Variants in SLC8A1 observed in about 807,000 individuals in gnomAD.
The protein encoded by SLC8A1 is sodium/calcium exchanger 1.
SLC8A1 carries 18 observed loss-of-function variants against 68.3 expected under a neutral mutation model. The observed-to-expected ratio is 0.26, with a 90% CI of 0.18 to 0.39. The LOEUF is 0.39. SLC8A1 is among the 10% of genes least tolerant of loss of function. The pLI is 1.00. For synonymous variants in SLC8A1, 475 were observed against 415.5 expected (o/e 1.14, Z -1.74); for missense variants, 985 against 1,156.7 (o/e 0.85, Z 2.15).
At chr2:40,493,612 C>T (rs1270680699) in intron 1 of SLC8A1, among the ~76,000 whole-genome samples, 2 of 150,686 alleles carry the variant, frequency 1.3e-5, no homozygotes, top group Non-Finnish European at 3.0e-5. Flanking sequence ...CTAAACCACA[C>T]TTCTCCCTCT....
intron 2 of SLC8A1, chr2:40,189,978 AG>A (rs1267208156): frequency 6.6e-6 from 1 of 152,200 alleles, no homozygotes; most frequent in Non-Finnish European, 1.5e-5. Context: ...CATTTTTAAA[AG>A]GAGAAATTCT....
rs949695111 is a variant in SLC8A1, at chr2:40,133,385, C to A, written c.2437+6016G>T. On this transcript the variant is annotated intron_variant, in intron 7 of 7. Coordinates refer to ENST00000406785, the Ensembl canonical transcript of SLC8A1. ...TATTTTATTAAAAAGGTTCTATATA[C>A]AAAATTGGGGGGGGGGGGGGTGGAA... Among the ~76,000 whole-genome samples the A allele has an allele frequency of 1.6e-4, 3 of 18,322 alleles. 1 individual carries two copies. The highest frequency in any genetic ancestry group is 1.2e-4 in the Non-Finnish European group (1 of 8,340). 12.0% of individuals were successfully genotyped at this position (18,322 alleles called of 152,430 possible). A position where few individuals can be genotyped will look rare whatever the true frequency, so the allele number is the denominator to read the frequency against.
At chr2:40,201,652 C>A (rs1163282341) in intron 2 of SLC8A1, among the ~76,000 whole-genome samples, 2 of 151,860 alleles carry the variant, frequency 1.3e-5, no homozygotes, top group African/African-American at 2.4e-5. Flanking sequence ...TGAAATGAGT[C>A]ATGTAAACCA....
chr2:40,401,824 G>A (rs113981695), intron 2 of SLC8A1, among the ~76,000 whole-genome samples: 2,813 of 152,194 alleles, frequency 0.018, 41 homozygotes, highest in Non-Finnish European at 0.031. Flanking sequence ...ATTAAAATGA[G>A]TAAAGGCTCT....
intron 1 of SLC8A1, among the ~76,000 whole-genome samples, chr2:40,466,451 C>A (rs143237561): frequency 6.6e-6 from 1 of 152,174 alleles, no homozygotes; most frequent in Non-Finnish European, 1.5e-5. Flanking sequence ...CTTTTACATC[C>A]AATAAGATGG....
At chr2:40,164,357 C>A (rs1220328231) in intron 5 of SLC8A1, among the ~76,000 whole-genome samples, 2 of 152,166 alleles carry the variant, frequency 1.3e-5, no homozygotes, top group Non-Finnish European at 2.9e-5. Flanking sequence ...ACTAAAATGT[C>A]CTTGGATCTG....
chr2:40,428,335 AG>A, intron 2 of SLC8A1, 137 bp downstream of exon 2: 1 of 1,365,524 alleles, frequency 7.3e-7, no homozygotes. Flanking sequence ...ATATCTTGAA[AG>A]GGATCTTGTA....
intron 2 of SLC8A1, among the ~76,000 whole-genome samples, chr2:40,231,726 T>A (rs1311735945): frequency 6.6e-6 from 1 of 152,164 alleles, no homozygotes; most frequent in Non-Finnish European, 1.5e-5. Flanking sequence ...CAGGTTAAGC[T>A]GCCATCTGGT....
At chr2:40,228,600 C>A (rs367596) in intron 2 of SLC8A1, among the ~76,000 whole-genome samples, 90,210 of 152,094 alleles carry the variant, frequency 0.59, 27,454 homozygotes, top group Middle Eastern at 0.78. Flanking sequence ...AATGAAAGAC[C>A]CCCAGGTCTT....
At chr2:40,305,136 G>GTCC (rs965702964) in intron 2 of SLC8A1, among the ~76,000 whole-genome samples, 1 of 152,180 alleles carries the variant, frequency 6.6e-6, no homozygotes, top group Non-Finnish European at 1.5e-5. Flanking sequence ...AAACAGCCTT[G>GTCC]TCCTATTCAT....
chr2:40,508,697 A>G (rs1576688683), intron 1 of SLC8A1, among the ~76,000 whole-genome samples: 1 of 152,212 alleles, frequency 6.6e-6, no homozygotes, highest in East Asian at 1.9e-4. Flanking sequence ...AGCAAAGAAT[A>G]TGCCGTCGAT....
At chr2:40,306,900 T>A (rs990288090) in intron 2 of SLC8A1, among the ~76,000 whole-genome samples, 1 of 152,152 alleles carries the variant, frequency 6.6e-6, no homozygotes, top group African/African-American at 2.4e-5. Flanking sequence ...AATCTCTGAT[T>A]TTTTTTGTTT....
intron 2 of SLC8A1, among the ~76,000 whole-genome samples, chr2:40,281,546 G>C (rs1208582854): frequency 6.6e-6 from 1 of 152,142 alleles, no homozygotes; most frequent in African/African-American, 2.4e-5. Context: ...ACTTGCACTC[G>C]TGAAAGTTAT....
At chr2:40,453,165 G>T (rs1378472101), upstream of SLC8A1, 3 of 152,178 alleles carry the variant, frequency 2.0e-5, no homozygotes, top group Non-Finnish European at 2.9e-5. Flanking sequence ...ACACACCTGG[G>T]AATGTAGTCA....
At chr2:40,122,384 T>A (rs186720341) in intron 7 of SLC8A1, among the ~76,000 whole-genome samples, 1 of 152,066 alleles carries the variant, frequency 6.6e-6, no homozygotes, top group East Asian at 1.9e-4. Context: ...ACACTGAAAA[T>A]TTCTGCCCAT....
intron 1 of SLC8A1, among the ~76,000 whole-genome samples, chr2:40,507,178 T>C (rs1010000116): frequency 3.9e-5 from 6 of 151,990 alleles, no homozygotes; most frequent in African/African-American, 1.4e-4. Context: ...CTCAATATAA[T>C]ACTAACTTTC....
chr2:40,340,833 T>G (rs1667453791), intron 2 of SLC8A1, among the ~76,000 whole-genome samples: 1 of 152,138 alleles, frequency 6.6e-6, no homozygotes, highest in Non-Finnish European at 1.5e-5. Flanking sequence ...AGAAAAAGTT[T>G]GAAGGAGTTA....
intron 2 of SLC8A1, among the ~76,000 whole-genome samples, chr2:40,259,566 A>C (rs903444733): frequency 6.6e-6 from 1 of 152,060 alleles, no homozygotes; most frequent in Non-Finnish European, 1.5e-5. Flanking sequence ...CACAACCTTG[A>C]GCTCTTGGGC....
chr2:40,402,430 TGAGTA>T (rs1408369964), intron 2 of SLC8A1, among the ~76,000 whole-genome samples: 2 of 152,216 alleles, frequency 1.3e-5, no homozygotes, highest in Non-Finnish European at 2.9e-5. Context: ...GCTGCTGCTC[TGAGTA>T]GAGAGTAGCC....
Sources: gnomAD v4.1 joint callset for allele counts (sites outside exome capture counted in the v4.1 genomes callset) on GRCh38, gnomAD v4.1.1 for gene constraint, MANE v1.5 for transcripts, NCBI Gene and HGNC (gene_info 2026-07-23, HGNC 2026-07-21) for gene names.